Variants in SPAG16 observed in about 807,000 individuals in gnomAD.
SPAG16 encodes sperm-associated antigen 16 protein.
Under a neutral mutation model 80.4 loss-of-function variants are expected in SPAG16, and 86 were observed. That is an observed-to-expected ratio of 1.07 (90% CI 0.90 to 1.28). The LOEUF is 1.28. Among genes scored for constraint, SPAG16 ranks in the 50% most tolerant of loss-of-function variants. SPAG16 has a pLI of 0.00. For missense variants in SPAG16, 870 were observed against 765.3 expected, an observed-to-expected ratio of 1.14 and a Z score of -1.61; for synonymous variants, 294 against 265.9, an observed-to-expected ratio of 1.11 and a Z score of -1.03.
chr2:213,947,826 T>A (rs1575620477), intron 12 of SPAG16, among the ~76,000 whole-genome samples: 1 of 152,262 alleles, frequency 6.6e-6, no homozygotes, highest in East Asian at 1.9e-4. Context: ...AAATATCATA[T>A]AGTTTTGATT....
In SPAG16 at chr2:214,351,054, A is replaced by G. The variant is rs575003633; in HGVS notation, c.1721-59086A>G. On this transcript the variant is annotated intron_variant, in intron 15 of 15. Coordinates refer to ENST00000331683, the MANE Select transcript of SPAG16 (RefSeq NM_024532.5). ...CAAGCAGAGAAGCATTAATTGGATC[A>G]GAGTGGAGATTGTAATACTACTTGG... 2.0e-5 allele frequency among the ~76,000 whole-genome samples: 3 copies of G among 152,254 alleles called. No homozygotes were observed. In the South Asian group the frequency reaches 6.2e-4, roughly 32 times the overall value.
intron 9 of SPAG16, among the ~76,000 whole-genome samples, chr2:213,391,819 A>G (rs1375290411): frequency 6.6e-6 from 1 of 152,164 alleles, no homozygotes; most frequent in African/African-American, 2.4e-5. Flanking sequence ...TGGCATGAAC[A>G]ATTTACCAGT....
intron 10 of SPAG16, among the ~76,000 whole-genome samples, chr2:213,817,836 G>A (rs1559492876): frequency 6.6e-6 from 1 of 152,028 alleles, no homozygotes; most frequent in Non-Finnish European, 1.5e-5. Context: ...AGAGGGAGGT[G>A]GGTAAGTGTT....
chr2:214,315,084 G>A (rs1695586062), intron 15 of SPAG16, among the ~76,000 whole-genome samples: 1 of 152,102 alleles, frequency 6.6e-6, no homozygotes, highest in African/African-American at 2.4e-5. Flanking sequence ...TTGTTTCACT[G>A]TTTTTCAATA....
intron 9 of SPAG16, chr2:213,422,012 A>C (rs1170375525): frequency 5.2e-6 from 3 of 579,360 alleles, no homozygotes; most frequent in African/African-American, 1.9e-5. Flanking sequence ...CCATCCACCT[A>C]CCAGTTTTTC....
At chr2:213,730,906 AC>A (rs2067001981) in intron 10 of SPAG16, among the ~76,000 whole-genome samples, 1 of 152,128 alleles carries the variant, frequency 6.6e-6, no homozygotes, top group Non-Finnish European at 1.5e-5. Flanking sequence ...GTTTCTAATG[AC>A]CAATTTTTAG....
chr2:213,665,693 T>C (rs1265578756), intron 10 of SPAG16, among the ~76,000 whole-genome samples: 1 of 152,186 alleles, frequency 6.6e-6, no homozygotes, highest in Non-Finnish European at 1.5e-5. Context: ...TGTTTATTTT[T>C]AAAGATGCCT....
chr2:213,717,117 C>T (rs1213248242), intron 10 of SPAG16, among the ~76,000 whole-genome samples: 1 of 151,658 alleles, frequency 6.6e-6, no homozygotes, highest in African/African-American at 2.4e-5. Context: ...GCTGTACTCG[C>T]TCCCTACGTA....
intron 15 of SPAG16, among the ~76,000 whole-genome samples, chr2:214,174,392 C>T (rs550866628): frequency 6.6e-6 from 1 of 151,946 alleles, no homozygotes; most frequent in African/African-American, 2.4e-5. Flanking sequence ...TCTCAGGATA[C>T]AAAATCAATG....
chr2:214,060,022 C>T (rs1294249148), intron 13 of SPAG16, among the ~76,000 whole-genome samples: 3 of 152,120 alleles, frequency 2.0e-5, no homozygotes, highest in African/African-American at 4.8e-5. Context: ...CAATGCAGCC[C>T]AGTAATGCAG....
At chr2:213,825,701 C>CTT (rs55777958) in intron 10 of SPAG16, among the ~76,000 whole-genome samples, 145 of 109,714 alleles carry the variant, frequency 1.3e-3, no homozygotes, top group Non-Finnish European at 1.4e-3. Context: ...TTCTTTCTTT[C>CTT]TTTTTTTTTT....
At chr2:214,130,453 T>G (rs988308262) in intron 14 of SPAG16, among the ~76,000 whole-genome samples, 2 of 152,168 alleles carry the variant, frequency 1.3e-5, no homozygotes, top group East Asian at 3.9e-4. Flanking sequence ...GCTTTAACAC[T>G]AGCAAACACC....
intron 10 of SPAG16, among the ~76,000 whole-genome samples, chr2:213,756,433 C>G (rs1238193608): frequency 6.6e-6 from 1 of 152,156 alleles, no homozygotes; most frequent in Non-Finnish European, 1.5e-5. Flanking sequence ...AGGTTGCATG[C>G]AGTGAGCTGA....
chr2:213,750,142 G>A (rs1419125535), intron 10 of SPAG16, among the ~76,000 whole-genome samples: 2 of 152,154 alleles, frequency 1.3e-5, no homozygotes, highest in African/African-American at 4.8e-5. Context: ...TGCAGGACAA[G>A]TACTCCAAGA....
intron 15 of SPAG16, among the ~76,000 whole-genome samples, chr2:214,266,491 A>G (rs1247620483): frequency 1.3e-5 from 2 of 151,862 alleles, no homozygotes; most frequent in Non-Finnish European, 2.9e-5. Context: ...TAAAAGCCAT[A>G]TATGACAACC....
chr2:214,374,783 A>T (rs908671893), intron 15 of SPAG16, among the ~76,000 whole-genome samples: 1 of 152,194 alleles, frequency 6.6e-6, no homozygotes, highest in Non-Finnish European at 1.5e-5. Context: ...TGCATACCTC[A>T]TTCGATTAAC....
rs193115213 is a variant in SPAG16, at chr2:214,084,819, G to T, written c.1528-23377G>T. On this transcript the variant is annotated intron_variant, in intron 13 of 15. Coordinates refer to ENST00000331683, the MANE Select transcript of SPAG16 (RefSeq NM_024532.5). ...TTTCTTCATCATTCATTATGTACCT[G>T]CTTCTTGCCAAGGAATATTTTATGT... 9.2e-5 allele frequency among the ~76,000 whole-genome samples: 14 copies of T among 152,264 alleles called. 1 individual carries two copies. In the South Asian group the frequency reaches 1.5e-3, roughly 16 times the overall value.
chr2:213,416,399 A>C (rs1419548726), intron 9 of SPAG16, among the ~76,000 whole-genome samples: 1 of 152,180 alleles, frequency 6.6e-6, no homozygotes, highest in East Asian at 1.9e-4. Context: ...TTAGGAGCCA[A>C]AACTAGGTCA....
At chr2:214,279,508 T>C (rs927285211) in intron 15 of SPAG16, among the ~76,000 whole-genome samples, 1 of 152,064 alleles carries the variant, frequency 6.6e-6, no homozygotes, top group Non-Finnish European at 1.5e-5. Flanking sequence ...CAGATGGAAA[T>C]TGATGAACTC....
Sources: gnomAD v4.1 joint callset for allele counts (sites outside exome capture counted in the v4.1 genomes callset) on GRCh38, gnomAD v4.1.1 for gene constraint, MANE v1.5 for transcripts, NCBI Gene and HGNC (gene_info 2026-07-23, HGNC 2026-07-21) for gene names.